CLOCK: variants seen among roughly 807,000 people sequenced by gnomAD.
CLOCK encodes the protein clock circadian regulator.
A neutral mutation model predicts 118.4 loss-of-function variants in CLOCK; 43 were observed. The ratio of observed to expected loss-of-function variants is 0.36; its 90% confidence interval spans 0.28 to 0.47. The LOEUF is 0.47. CLOCK is among the 20% of genes least tolerant of loss of function. The probability of loss-of-function intolerance (pLI) is 1.00; values close to 1 mark genes in which losing one functional copy is unlikely to be tolerated. For missense variants in CLOCK, 846 were observed against 999.9 expected, an observed-to-expected ratio of 0.85 and a Z score of 2.08; for synonymous variants, 326 against 339.2, an observed-to-expected ratio of 0.96 and a Z score of 0.43.
intron 11 of CLOCK, among the ~76,000 whole-genome samples, chr4:55,458,005 A>AT (rs1725034428): frequency 1.3e-5 from 2 of 152,216 alleles, no homozygotes; most frequent in Admixed American, 6.5e-5. Flanking sequence ...TCATAAGATC[A>AT]AAACAAACCA....
intron 22 of CLOCK, among the ~76,000 whole-genome samples, chr4:55,436,569 G>C (rs1722892059): frequency 6.6e-6 from 1 of 152,184 alleles, no homozygotes; most frequent in South Asian, 2.1e-4. Flanking sequence ...TGGAGCTGTG[G>C]TGGGCAATTT....
At chr4:55,515,528 C>T (rs1488246806) in intron 1 of CLOCK, among the ~76,000 whole-genome samples, 2 of 152,118 alleles carry the variant, frequency 1.3e-5, no homozygotes, top group Non-Finnish European at 2.9e-5. Flanking sequence ...GCGCCTGACA[C>T]CATGCCTGGT....
intron 22 of CLOCK, among the ~76,000 whole-genome samples, 179 bp from the exon 23 acceptor site, chr4:55,435,773 C>G (rs1722832564): frequency 6.6e-6 from 1 of 152,208 alleles, no homozygotes; most frequent in South Asian, 2.1e-4. Flanking sequence ...GGCCTTCCCT[C>G]TTTCTGAAAG....
At chr4:55,481,388 C>G (rs998406681) in intron 4 of CLOCK, among the ~76,000 whole-genome samples, 11 of 152,100 alleles carry the variant, frequency 7.2e-5, no homozygotes, top group Non-Finnish European at 1.2e-4. Context: ...TCTGAAAATA[C>G]AAATGTCATC....
chr4:55,518,669 T>C (rs1173747278), intron 1 of CLOCK, among the ~76,000 whole-genome samples: 4 of 152,148 alleles, frequency 2.6e-5, no homozygotes, highest in Non-Finnish European at 5.9e-5. Context: ...CTTGTTCCCC[T>C]CCCTTTCCAT....
At chr4:55,510,621 T>G (rs1411715911) in intron 1 of CLOCK, among the ~76,000 whole-genome samples, 1 of 99,446 alleles carries the variant, frequency 1.0e-5, no homozygotes, top group Admixed American at 1.2e-4. Flanking sequence ...AACAAGACTC[T>G]GTCTTTTTAA....
intron 1 of CLOCK, among the ~76,000 whole-genome samples, chr4:55,533,728 TC>T (rs1730702131): frequency 6.6e-6 from 1 of 151,380 alleles, no homozygotes; most frequent in Non-Finnish European, 1.5e-5. Flanking sequence ...CATGGTGAAA[TC>T]CCATCTCTAC....
At chr4:55,462,844 T>TTGTGTGTGTGTGTG (rs148360787) in intron 9 of CLOCK, among the ~76,000 whole-genome samples, 4 of 151,330 alleles carry the variant, frequency 2.6e-5, no homozygotes, top group African/African-American at 9.7e-5. Flanking sequence ...ACACACAGAT[T>TTGTGTGTGTGTGTG]TGTGTGAGTG....
chr4:55,524,937 A>G (rs1730081356), intron 1 of CLOCK, among the ~76,000 whole-genome samples: 2 of 151,914 alleles, frequency 1.3e-5, no homozygotes, highest in Non-Finnish European at 2.9e-5. Context: ...AAAATCTTAA[A>G]AAAAAAAATA....
At chr4:55,526,053 G>A (rs759215004) in intron 1 of CLOCK, among the ~76,000 whole-genome samples, 18 of 152,106 alleles carry the variant, frequency 1.2e-4, no homozygotes, top group Non-Finnish European at 2.1e-4. Flanking sequence ...TCAGATTTTC[G>A]GGATACTCAA....
intron 3 of CLOCK, among the ~76,000 whole-genome samples, chr4:55,487,501 C>G (rs1211615312): frequency 1.3e-5 from 2 of 152,040 alleles, no homozygotes; most frequent in East Asian, 3.9e-4. Flanking sequence ...GTATAAAAAC[C>G]TGGTACCCTG....
intron 1 of CLOCK, 41 bp downstream of exon 1, chr4:55,546,741 C>A (rs1165396301): frequency 6.6e-6 from 1 of 151,992 alleles, no homozygotes; most frequent in Non-Finnish European, 1.5e-5. Flanking sequence ...AGCCAACCGG[C>A]ACTCGGCAGG....
intron 15 of CLOCK, among the ~76,000 whole-genome samples, chr4:55,451,877 G>A (rs1202251009): frequency 6.6e-6 from 1 of 152,152 alleles, no homozygotes; most frequent in East Asian, 1.9e-4. Flanking sequence ...GCATTATTCA[G>A]TGCTGTATTC....
chr4:55,535,758 T>TTTGG (rs778307466), intron 1 of CLOCK, among the ~76,000 whole-genome samples: 1 of 149,252 alleles, frequency 6.7e-6, no homozygotes, highest in Non-Finnish European at 1.5e-5. Context: ...TTTTTTTTTT[T>TTTGG]GAGATGGAGT....
chr4:55,536,776 C>T (rs1730933921), intron 1 of CLOCK, among the ~76,000 whole-genome samples: 1 of 152,148 alleles, frequency 6.6e-6, no homozygotes, highest in Non-Finnish European at 1.5e-5. Context: ...TTCCCCCACC[C>T]CTCTCCCAAC....
chr4:55,438,879 T>G (rs1026348628), intron 21 of CLOCK, among the ~76,000 whole-genome samples: 2 of 152,202 alleles, frequency 1.3e-5, no homozygotes, highest in African/African-American at 4.8e-5. Flanking sequence ...TATAAAACTC[T>G]TAGAAGAAAA....
At chr4:55,453,643 C>G in intron 14 of CLOCK, 34 bp downstream of exon 14, 1 of 1,582,420 alleles carries the variant, frequency 6.3e-7, no homozygotes, top group Non-Finnish European at 8.7e-7. Context: ...TAGGATGTTA[C>G]AGTAATTCAG....
rs1412382366 is a variant in CLOCK at position 55,431,880 on chromosome 4, T to C, written c.*3535A>G. 6.6e-6 allele frequency: 1 copy of C among 152,262 alleles called. No homozygotes were observed. The highest frequency in any genetic ancestry group is 1.5e-5 in the Non-Finnish European group (1 of 68,036). The allele number at this position is 152,262 out of a possible 1,614,324, so 9.4% of individuals were successfully genotyped here. ...TTAAGGATCCCTTTCTAAGGCTTCC[T>C]GAACAAGGGTTCTTCTCCCTTCAAC... On this transcript the variant is annotated 3_prime_UTR_variant, in exon 23 of 23. Transcript: ENST00000513440.
chr4:55,485,453 A>G (rs1391799182), intron 3 of CLOCK, among the ~76,000 whole-genome samples: 1 of 152,212 alleles, frequency 6.6e-6, no homozygotes, highest in Non-Finnish European at 1.5e-5. Flanking sequence ...GGTAAGGTGG[A>G]ACAGCCAAAA....
Sources: gnomAD v4.1 joint callset for allele counts (sites outside exome capture counted in the v4.1 genomes callset) on GRCh38, gnomAD v4.1.1 for gene constraint, MANE v1.5 for transcripts, NCBI Gene and HGNC (gene_info 2026-07-23, HGNC 2026-07-21) for gene names.